Variants in GPRIN3 observed in about 807,000 individuals in gnomAD.
The protein encoded by GPRIN3 is GPRIN family member 3, also known as G protein-regulated inducer of neurite outgrowth 3.
A neutral mutation model predicts 13.7 loss-of-function variants in GPRIN3; 12 were observed. The observed-to-expected ratio is 0.87, with a 90% CI of 0.56 to 1.42. The LOEUF is 1.42. GPRIN3 is among the 40% of genes most tolerant of loss of function. GPRIN3 has a pLI of 0.00. For missense variants in GPRIN3, 1,009 were observed against 958.7 expected (o/e 1.05, Z -0.69); for synonymous variants, 377 against 372.7 (o/e 1.01, Z -0.13).
intron 1 of GPRIN3, among the ~76,000 whole-genome samples, chr4:89,263,760 A>C (rs767782409): frequency 5.9e-5 from 9 of 152,274 alleles, no homozygotes; most frequent in Admixed American, 1.3e-4. Flanking sequence ...TATGGTCTTC[A>C]TTTTACAGAT....
At chr4:89,260,092 C>T (rs1723584044) in intron 1 of GPRIN3, among the ~76,000 whole-genome samples, 5 of 152,186 alleles carry the variant, frequency 3.3e-5, no homozygotes, top group Admixed American at 3.3e-4. Flanking sequence ...CAGGCGTGAG[C>T]CACCACGCCT....
intron 1 of GPRIN3, among the ~76,000 whole-genome samples, chr4:89,272,569 C>T (rs946307931): frequency 3.3e-5 from 5 of 152,216 alleles, no homozygotes; most frequent in African/African-American, 7.2e-5. Context: ...ACTTTTCTGA[C>T]GGTATGTTTC....
At position 89,241,843 on chromosome 4, in the gene GPRIN3, G is replaced by A. The variant is rs1722954065; in HGVS notation, c.*5937C>T. ...TTTGCTCTACACACAGCCTTTACATGTTATTAAAAGCAATGATATGAATCA... is the reference window on the plus strand; with the variant it reads ...TTTGCTCTACACACAGCCTTTACATATTATTAAAAGCAATGATATGAATCA... On this transcript the variant is annotated 3_prime_UTR_variant, in exon 2 of 2. Coordinates refer to ENST00000609438, the MANE Select transcript of GPRIN3 (RefSeq NM_198281.3). The A allele has an allele frequency of 6.6e-6, 1 of 152,096 alleles. No individual in the cohort carries two copies. The highest frequency in any genetic ancestry group is 2.4e-5 in the African/African-American group (1 of 41,408). 9.4% of individuals were successfully genotyped at this position (152,096 alleles called of 1,614,324 possible). A position where few individuals can be genotyped will look rare whatever the true frequency, so the allele number is the denominator to read the frequency against.
In GPRIN3 at chr4:89,243,290, A is replaced by C. The variant is rs1722994420; in HGVS notation, c.*4490T>G. Reference sequence around the variant, plus strand: ...GTCTAAAATTTTGTAGACATCCTTAAGCCCATGTGTCTGGACAGATGACAT... The same window carrying C: ...GTCTAAAATTTTGTAGACATCCTTACGCCCATGTGTCTGGACAGATGACAT... On this transcript the variant is annotated 3_prime_UTR_variant, in exon 2 of 2. Transcript: ENST00000609438. The C allele has an allele frequency of 1.3e-5, 2 of 152,186 alleles. No homozygotes were observed. Among genetic ancestry groups the C allele is most frequent in the Admixed American group, 1.3e-4 (2 of 15,276 alleles). The allele number at this position is 152,186 out of a possible 1,614,324, so 9.4% of individuals were successfully genotyped here.
intron 1 of GPRIN3, among the ~76,000 whole-genome samples, chr4:89,292,322 G>C (rs1038525097): frequency 2.0e-5 from 3 of 152,152 alleles, no homozygotes; most frequent in Non-Finnish European, 4.4e-5. Context: ...GCTTTACCAA[G>C]GGCTAAATTG....
chr4:89,249,629 G>A lies in GPRIN3; in HGVS notation c.482C>T (p.Thr161Ile). The A allele has an allele frequency of 1.9e-6, 3 of 1,614,164 alleles. No homozygotes were observed. Among genetic ancestry groups the A allele is most frequent in the Non-Finnish European group, 2.5e-6 (3 of 1,180,028 alleles). Residue 161 changes from threonine to isoleucine, a missense_variant, in exon 2 of 2, where the codon ACC becomes ATC. Thr to Ile is a moderately conservative substitution (Grantham distance 89, BLOSUM62 -1). Transcript: ENST00000609438. Reference sequence around the variant, plus strand: ...TTTCTCAGGTTGCTCTCTATTTGAGGTTCTCTGTGATCTCATCAGGGAATC... The same window carrying A: ...TTTCTCAGGTTGCTCTCTATTTGAGATTCTCTGTGATCTCATCAGGGAATC... ...PEDSLMRSQR[T>I]SNREQPEKPS...
chr4:89,260,341 G>T (rs1280269678), intron 1 of GPRIN3, among the ~76,000 whole-genome samples: 1 of 152,158 alleles, frequency 6.6e-6, no homozygotes, highest in Non-Finnish European at 1.5e-5. Context: ...CTGCCTGAGA[G>T]AATGTGGGGT....
In GPRIN3 at chr4:89,237,445, G is replaced by C. The variant is rs1386004987; in HGVS notation, c.*10335C>G. The stretch of plus-strand genomic sequence containing the variant: ...TGGTGTTAGAAAGTGGGGGCTTTGG[G>C]TGGTGATTAGATGGTGGTCACAGAG... On this transcript the variant is annotated 3_prime_UTR_variant, in exon 2 of 2. Transcript: ENST00000609438. 1 of 152,236 alleles carries C rather than the reference G, an allele frequency of 6.6e-6. No individual in the cohort carries two copies. Among genetic ancestry groups the C allele is most frequent in the African/African-American group, 2.4e-5 (1 of 41,450 alleles). 9.4% of individuals were successfully genotyped at this position (152,236 alleles called of 1,614,324 possible).
chr4:89,237,257 A>G lies in GPRIN3; in HGVS notation c.*10523T>C, dbSNP rs1487470834. 1 of 152,244 alleles carries G rather than the reference A, an allele frequency of 6.6e-6. No homozygotes were observed. The highest frequency in any genetic ancestry group is 1.5e-5 in the Non-Finnish European group (1 of 68,042). 9.4% of individuals were successfully genotyped at this position (152,244 alleles called of 1,614,324 possible). On this transcript the variant is annotated 3_prime_UTR_variant, in exon 2 of 2. Coordinates refer to ENST00000609438, the MANE Select transcript of GPRIN3 (RefSeq NM_198281.3). ...ATTGCTAAGGTAGTTACAAGGGTCT[A>G]AACATTTTAGAACTCTGTCAATTAG...
chr4:89,298,519 C>T (rs1321898232), intron 1 of GPRIN3, among the ~76,000 whole-genome samples: 1 of 151,926 alleles, frequency 6.6e-6, no homozygotes, highest in Non-Finnish European at 1.5e-5. Flanking sequence ...GAGATCATGA[C>T]CAGGAAAAGA....
chr4:89,274,192 T>C lies in GPRIN3; in HGVS notation c.-123-23959A>G, dbSNP rs114094059. Among the ~76,000 whole-genome samples, 1,232 of 152,280 alleles carry C rather than the reference T, an allele frequency of 8.1e-3. 10 individuals are homozygous for C. Among genetic ancestry groups the C allele is most frequent in the African/African-American group, 0.025 (1,053 of 41,538 alleles). On this transcript the variant is annotated intron_variant, in intron 1 of 1. Coordinates refer to ENST00000609438, the MANE Select transcript of GPRIN3 (RefSeq NM_198281.3). The stretch of plus-strand genomic sequence containing the variant: ...AGCAACACGCCAAATAAATGATTGG[T>C]AATAGAAGACAAAATAACCCCGAAG...
chr4:89,246,185 G>A lies in GPRIN3; in HGVS notation c.*1595C>T, dbSNP rs1289525120. 4.6e-5 allele frequency: 7 copies of A among 152,280 alleles called. No individual in the cohort carries two copies. Among genetic ancestry groups the A allele is most frequent in the East Asian group, 1.9e-4 (1 of 5,180 alleles). The allele number at this position is 152,280 out of a possible 1,614,324, so 9.4% of individuals were successfully genotyped here. A position where few individuals can be genotyped will look rare whatever the true frequency, so the allele number is the denominator to read the frequency against. On this transcript the variant is annotated 3_prime_UTR_variant, in exon 2 of 2. Coordinates refer to ENST00000609438, the MANE Select transcript of GPRIN3 (RefSeq NM_198281.3). Reference sequence around the variant, plus strand: ...GATACTGTGAATTGACTGTACCCACGGGACACATGAGTCTCTAGAGAGAAT... The same window carrying A: ...GATACTGTGAATTGACTGTACCCACAGGACACATGAGTCTCTAGAGAGAAT...
At chr4:89,252,154 G>A (rs1424495953) in intron 1 of GPRIN3, among the ~76,000 whole-genome samples, 5 of 151,816 alleles carry the variant, frequency 3.3e-5, no homozygotes, top group African/African-American at 9.7e-5. Flanking sequence ...TAATTTTTTT[G>A]TAGAGACAGA....
At chr4:89,281,189 A>T (rs1561216100) in intron 1 of GPRIN3, among the ~76,000 whole-genome samples, 1 of 151,854 alleles carries the variant, frequency 6.6e-6, no homozygotes. Context: ...AATAGCGTGA[A>T]CTCAGCTCAC....
rs1042452699 is a variant in GPRIN3, at chr4:89,236,797, C to T, written c.*10983G>A. ...CATCCAATTTATATGTCTCAAGTAT[C>T]TGTGCCATTGACAAATTGTAAAACT... On this transcript the variant is annotated 3_prime_UTR_variant, in exon 2 of 2. Transcript: ENST00000609438. 6.6e-6 allele frequency: 1 copy of T among 152,154 alleles called. No individual in the cohort carries two copies. The highest frequency in any genetic ancestry group is 2.4e-5 in the African/African-American group (1 of 41,408). The allele number at this position is 152,154 out of a possible 1,614,324, so 9.4% of individuals were successfully genotyped here. A position where few individuals can be genotyped will look rare whatever the true frequency, so the allele number is the denominator to read the frequency against.
intron 1 of GPRIN3, among the ~76,000 whole-genome samples, chr4:89,288,327 T>C (rs1267478553): frequency 2.6e-5 from 4 of 152,204 alleles, no homozygotes; most frequent in Admixed American, 6.5e-5. Context: ...ACAAATAGAT[T>C]TGATGGTTGT....
rs1722830910 is a variant in GPRIN3, at chr4:89,238,097, G to A, written c.*9683C>T. The A allele has an allele frequency of 6.9e-6, 1 of 144,042 alleles. No individual in the cohort carries two copies. Among genetic ancestry groups the A allele is most frequent in the South Asian group, 2.4e-4 (1 of 4,128 alleles). The allele number at this position is 144,042 out of a possible 1,614,324, so 8.9% of individuals were successfully genotyped here. Reference sequence around the variant, plus strand: ...TGGCAGCCACAGGGCACCATTTTAGGTTAAAATAGTGTGCATTTATACACA... The same window carrying A: ...TGGCAGCCACAGGGCACCATTTTAGATTAAAATAGTGTGCATTTATACACA... On this transcript the variant is annotated 3_prime_UTR_variant, in exon 2 of 2. Transcript: ENST00000609438.
intron 1 of GPRIN3, among the ~76,000 whole-genome samples, chr4:89,264,435 C>T (rs1208643485): frequency 1.3e-5 from 2 of 152,188 alleles, no homozygotes; most frequent in East Asian, 3.9e-4. Context: ...AACCTCTTTT[C>T]TTAATAAATT....
intron 1 of GPRIN3, among the ~76,000 whole-genome samples, chr4:89,283,565 A>C (rs765270994): frequency 5.3e-5 from 8 of 152,172 alleles, no homozygotes; most frequent in Non-Finnish European, 1.5e-5. Context: ...GGAGGCAGAA[A>C]CATAAAGGGA....
Sources: allele counts gnomAD v4.1 joint callset (sites outside exome capture counted in the v4.1 genomes callset), GRCh38; gene constraint gnomAD v4.1.1; transcripts MANE v1.5; gene names NCBI Gene and HGNC (gene_info 2026-07-23, HGNC 2026-07-21).